TRIM66: variants seen among roughly 807,000 people sequenced by gnomAD.
TRIM66 encodes the protein tripartite motif containing 66.
TRIM66 carries 99 observed loss-of-function variants against 148.2 expected under a neutral mutation model. The ratio of observed to expected loss-of-function variants is 0.67; its 90% CI spans 0.57 to 0.79. TRIM66 has a LOEUF of 0.79. Among genes scored for constraint, TRIM66 ranks in the 30% least tolerant of loss-of-function variants. The pLI is 0.00. For missense variants in TRIM66, 1,666 were observed against 1,697.9 expected (o/e 0.98, Z 0.33); for synonymous variants, 616 against 635.9 (o/e 0.97, Z 0.47).
intron 3 of TRIM66, among the ~76,000 whole-genome samples, chr11:8,677,554 G>A (rs547931998): frequency 3.3e-5 from 5 of 152,260 alleles, no homozygotes; most frequent in East Asian, 1.9e-4. Flanking sequence ...CGAGGTAGGA[G>A]GGCTGCTTGA....
chr11:8,628,886 G>T (rs1435437474), intron 15 of TRIM66, among the ~76,000 whole-genome samples: 6 of 151,574 alleles, frequency 4.0e-5, no homozygotes, highest in Non-Finnish European at 8.8e-5. Flanking sequence ...CTTTAGTAAG[G>T]CTTATATTTT....
At chr11:8,623,614 T>C (rs748035850) in intron 17 of TRIM66, among the ~76,000 whole-genome samples, 24 of 152,278 alleles carry the variant, frequency 1.6e-4, no homozygotes, top group South Asian at 1.2e-3. Context: ...TAAACACGCA[T>C]CATACATTGA....
chr11:8,637,683 G>T (rs760753452), intron 15 of TRIM66, among the ~76,000 whole-genome samples: 15 of 152,218 alleles, frequency 9.9e-5, no homozygotes, highest in Admixed American at 1.3e-4. Context: ...AGCATAGCTG[G>T]GCTGCAGGGC....
upstream of TRIM66, chr11:8,683,015 G>A (rs559266096): frequency 2.2e-5 from 19 of 860,166 alleles, 1 homozygote; most frequent in African/African-American, 2.4e-4. Flanking sequence ...CGGATCTCTA[G>A]GACACGCGGG....
At chr11:8,645,379 C>T (rs189131442) in intron 12 of TRIM66, among the ~76,000 whole-genome samples, 2 of 152,286 alleles carry the variant, frequency 1.3e-5, no homozygotes, top group East Asian at 1.9e-4. Context: ...CTCAGACCCC[C>T]GTGTAAACCC....
Position 8,640,427 on chromosome 11 carries a change from T to C in TRIM66, c.1948A>G (p.Met650Val), listed in dbSNP as rs1459662824. 2 of 1,551,866 alleles carry C rather than the reference T, an allele frequency of 1.3e-6. No homozygotes were observed. The highest frequency in any genetic ancestry group is 8.7e-7 in the Non-Finnish European group (1 of 1,147,050). ...SPPGPACSQNMDIMHHKFELE... is the reference protein window; with the variant it reads ...SPPGPACSQNVDIMHHKFELE... ...TCAAACTTGTGATGCATTATGTCCA[T>C]GTTCTGAGAACAGGCAGGGCCAGGA... is the stretch of plus-strand genomic sequence containing the variant. Residue 650 changes from methionine to valine, a missense_variant, in exon 14 of 25, where the codon ATG becomes GTG. Transcript: ENST00000646038.
At chr11:8,621,613 G>A in intron 19 of TRIM66, 32 bp downstream of exon 19, 1 of 1,484,072 alleles carries the variant, frequency 6.7e-7, no homozygotes. Context: ...GGCTGGGCCA[G>A]GGTTTAAGGC....
intron 15 of TRIM66, among the ~76,000 whole-genome samples, chr11:8,629,240 G>A (rs1320264974): frequency 6.6e-6 from 1 of 152,116 alleles, no homozygotes; most frequent in African/African-American, 2.4e-5. Context: ...CCTTATCTAT[G>A]AACAAGAACA....
intron 12 of TRIM66, chr11:8,644,472 C>A (rs540638694): frequency 2.0e-5 from 9 of 451,210 alleles, no homozygotes; most frequent in Non-Finnish European, 3.6e-5. Context: ...GGATAAATTA[C>A]CCCAACTTGT....
At chr11:8,681,033 C>A (rs1263460370) in intron 1 of TRIM66, 1 of 152,180 alleles carries the variant, frequency 6.6e-6, no homozygotes, top group Non-Finnish European at 1.5e-5. Context: ...GTGAGCTAGA[C>A]CGCAGTGAAC....
At chr11:8,648,720 T>A (rs529494049) in intron 8 of TRIM66, among the ~76,000 whole-genome samples, 172 bp from the exon 9 acceptor site, 1 of 152,212 alleles carries the variant, frequency 6.6e-6, no homozygotes, top group Non-Finnish European at 1.5e-5. Context: ...GATTTTGGGC[T>A]GAGCTTGGCT....
At chr11:8,678,384 G>A (rs1459341116) in intron 3 of TRIM66, among the ~76,000 whole-genome samples, 2 of 152,122 alleles carry the variant, frequency 1.3e-5, no homozygotes, top group African/African-American at 2.4e-5. Flanking sequence ...AACTGCCATG[G>A]TATTAAATAA....
intron 6 of TRIM66, chr11:8,658,605 T>C: frequency 8.5e-6 from 2 of 234,384 alleles, no homozygotes; most frequent in Non-Finnish European, 1.4e-5. Flanking sequence ...GCAATCTGGG[T>C]ATCAAAATAG....
chr11:8,622,682 G>T (rs1021647292), intron 18 of TRIM66, 134 bp downstream of exon 18: 2 of 762,410 alleles, frequency 2.6e-6, no homozygotes, highest in African/African-American at 1.7e-5. Flanking sequence ...CTTGAAGGTT[G>T]AGGGGTTGAG....
intron 8 of TRIM66, among the ~76,000 whole-genome samples, chr11:8,649,493 C>T (rs2037161436): frequency 6.6e-6 from 1 of 152,172 alleles, no homozygotes; most frequent in Non-Finnish European, 1.5e-5. Flanking sequence ...CCAGCTTCCA[C>T]AATAATTCAA....
At chr11:8,630,598 GGAGA>G (rs898302480) in intron 15 of TRIM66, among the ~76,000 whole-genome samples, 1 of 152,182 alleles carries the variant, frequency 6.6e-6, no homozygotes, top group Non-Finnish European at 1.5e-5. Flanking sequence ...TTTGGGAGAT[GGAGA>G]GAGACAACCC....
rs1418202535 is a variant in TRIM66, at chr11:8,645,760, A to G, written c.1085T>C (p.Phe362Ser). The change falls in exon 12 of 25, where the codon TTT (phenylalanine) becomes TCT (serine). Residue 362 changes from phenylalanine to serine, a missense_variant. Physicochemically the swap from Phe to Ser is radical, Grantham distance 155. This residue lies in a region of TRIM66 where 1,431 missense variants were observed against 1,412.4 expected (regional missense o/e 1.01). Coordinates refer to ENST00000646038, the MANE Select transcript of TRIM66 (RefSeq NM_001388022.1). ...TCTTACCAGCTCTTTGCTGAAAAGAAAAGGGACACTGGTTTTGCTGCAGAC... is the reference window on the plus strand; with the variant it reads ...TCTTACCAGCTCTTTGCTGAAAAGAGAAGGGACACTGGTTTTGCTGCAGAC... Reference protein sequence around the residue: ...WAVCSKTSVPFLFSKELIVFQ... With the variant: ...WAVCSKTSVPSLFSKELIVFQ... The G allele has an allele frequency of 1.3e-6, 2 of 1,551,612 alleles. No homozygotes were observed. Among genetic ancestry groups the G allele is most frequent in the Non-Finnish European group, 1.7e-6 (2 of 1,146,960 alleles).
At chr11:8,663,873 C>T (rs762992403) in intron 6 of TRIM66, among the ~76,000 whole-genome samples, 4 of 151,904 alleles carry the variant, frequency 2.6e-5, no homozygotes, top group Non-Finnish European at 5.9e-5. Context: ...AAGCCAGGTA[C>T]GGAAAGACAA....
chr11:8,665,663 A>C (rs2038541740), intron 6 of TRIM66, among the ~76,000 whole-genome samples: 1 of 152,198 alleles, frequency 6.6e-6, no homozygotes, highest in African/African-American at 2.4e-5. Flanking sequence ...TCCAAGTAAT[A>C]AAGAGGAAGT....
Sources: allele counts gnomAD v4.1 joint callset (sites outside exome capture counted in the v4.1 genomes callset), GRCh38; gene constraint gnomAD v4.1.1; regional missense constraint gnomAD v4.1.1; transcripts MANE v1.5; gene names NCBI Gene and HGNC (gene_info 2026-07-23, HGNC 2026-07-21).